The following SHKBP1 variants were observed in gnomAD, a reference collection of about 807,000 sequenced individuals.
SHKBP1 encodes the protein SH3KBP1 binding protein 1.
SHKBP1 carries 71 observed loss-of-function variants against 83.9 expected under a neutral mutation model. The ratio of observed to expected loss-of-function variants is 0.85; its 90% confidence interval spans 0.70 to 1.03. The LOEUF is 1.03. Ranked by LOEUF, SHKBP1 falls within the 50% of genes least tolerant of loss-of-function variation. The pLI is 0.00. For synonymous variants in SHKBP1, 371 were observed against 398.0 expected, an observed-to-expected ratio of 0.93 and a Z score of 0.81; for missense variants, 824 against 982.4, an observed-to-expected ratio of 0.84 and a Z score of 2.16.
At position 40,578,516 on chromosome 19, in the gene SHKBP1, T is replaced by C; in HGVS notation, c.374T>C (p.Leu125Pro). ...GATCGATCTTCTTGTGGAAACGTCC[T>C]CTTCAATGGTTACCTGCCGCCACCA... ...ELDRSSCGNV[L>P]FNGYLPPPVF... Residue 125 changes from leucine to proline, a missense_variant, in exon 6 of 18, where the codon CTC (leucine) becomes CCC (proline). Around this residue, in one of 3 missense-constraint regions of SHKBP1, gnomAD observed 355 missense variants for 386.4 expected, o/e 0.92. Transcript: ENST00000291842. 6.2e-7 allele frequency: 1 copy of C among 1,614,114 alleles called. No individual in the cohort carries two copies. Among genetic ancestry groups the C allele is most frequent in the South Asian group, 1.1e-5 (1 of 91,072 alleles).
intron 4 of SHKBP1, 90 bp downstream of exon 4, chr19:40,577,720 T>C: frequency 1.4e-6 from 2 of 1,444,198 alleles, no homozygotes; most frequent in South Asian, 1.1e-5. Flanking sequence ...GTGAGCTCCA[T>C]TCTATTAGAA....
intron 6 of SHKBP1, among the ~76,000 whole-genome samples, chr19:40,579,696 GA>G (rs1267554827): frequency 1.3e-5 from 2 of 152,084 alleles, no homozygotes; most frequent in African/African-American, 2.4e-5. Context: ...ACTCTGGCTA[GA>G]TGCTATTGCT....
Position 40,578,449 on chromosome 19 carries a change from C to T in SHKBP1, c.320-13C>T. ...TCTCCCTAAGTCCCAGCCTTTAAGT[C>T]CTCCTGTTGCAGTTCGTCGCCTGCA... is the stretch of plus-strand genomic sequence containing the variant. On this transcript the variant is annotated splice_polypyrimidine_tract_variant and intron_variant, in intron 5 of 17. Coordinates refer to ENST00000291842, the MANE Select transcript of SHKBP1 (RefSeq NM_138392.4). 2 of 1,614,028 alleles carry T rather than the reference C, an allele frequency of 1.2e-6. No homozygotes were observed. Among genetic ancestry groups the T allele is most frequent in the Admixed American group, 1.7e-5 (1 of 60,012 alleles).
chr19:40,584,337 G>A (rs1476389055), intron 12 of SHKBP1, among the ~76,000 whole-genome samples: 1 of 152,166 alleles, frequency 6.6e-6, no homozygotes, highest in Non-Finnish European at 1.5e-5. Context: ...ACAGATGCAG[G>A]TTTTACAGCA....
chr19:40,587,899 A>G (rs956153318), intron 13 of SHKBP1, among the ~76,000 whole-genome samples: 1 of 152,176 alleles, frequency 6.6e-6, no homozygotes, highest in Non-Finnish European at 1.5e-5. Context: ...GCAAGACTCT[A>G]TCTCATAAAA....
At chr19:40,577,888 C>G in intron 4 of SHKBP1, 1 of 615,102 alleles carries the variant, frequency 1.6e-6, no homozygotes, top group East Asian at 2.7e-5. Flanking sequence ...AAAAAGCAAA[C>G]AGGCAAAACT....
At position 40,590,305 on chromosome 19, in the gene SHKBP1, G is replaced by C; in HGVS notation, c.1651G>C (p.Glu551Gln). 1 of 1,609,194 alleles carries C rather than the reference G, an allele frequency of 6.2e-7. No homozygotes were observed. Among genetic ancestry groups the C allele is most frequent in the South Asian group, 1.1e-5 (1 of 90,230 alleles). ...GACAGCCTTCACAGTGCTGGAGTGCGAGGGCTCCCGGCGGCTCGGCTCTCG... is the reference window on the plus strand; with the variant it reads ...GACAGCCTTCACAGTGCTGGAGTGCCAGGGCTCCCGGCGGCTCGGCTCTCG... ...PTTAFTVLEC[E>Q]GSRRLGSRPR... Residue 551 changes from glutamate to glutamine, a missense_variant, in exon 16 of 18, where the codon GAG becomes CAG. Around this residue, in one of 3 missense-constraint regions of SHKBP1, gnomAD observed 287 missense variants for 322.9 expected, o/e 0.89. Transcript: ENST00000291842. The surrounding 1 kb of genome is among the most constrained non-coding windows in gnomAD (Gnocchi z 4.6).
rs1396627780 is a variant in SHKBP1, at chr19:40,580,493, TC to T, written c.562+9del. On this transcript the variant is annotated intron_variant, in intron 7 of 17. Coordinates refer to ENST00000291842, the MANE Select transcript of SHKBP1 (RefSeq NM_138392.4). ...CCCCTCCCTCACCCTCAGGTACGTT[TC>T]TATCTCGTGGAAGGTTGGGGCAGCT... The T allele has an allele frequency of 6.2e-7, 1 of 1,613,400 alleles. No homozygotes were observed. Among genetic ancestry groups the T allele is most frequent in the African/African-American group, 1.3e-5 (1 of 74,884 alleles).
chr19:40,579,997 C>T (rs1186351661), intron 6 of SHKBP1, among the ~76,000 whole-genome samples: 2 of 134,414 alleles, frequency 1.5e-5, no homozygotes, highest in Middle Eastern at 4.2e-3. Flanking sequence ...TGTGCCATTG[C>T]ACTCCAGCCT....
chr19:40,588,948 C>T, intron 14 of SHKBP1, 134 bp from the exon 15 acceptor site: 3 of 1,271,616 alleles, frequency 2.4e-6, no homozygotes, highest in Non-Finnish European at 2.2e-6. Flanking sequence ...CCCCAGCCCT[C>T]TCTGGCCCTG....
At chr19:40,578,841 A>G (rs2081244657) in intron 6 of SHKBP1, among the ~76,000 whole-genome samples, 1 of 151,976 alleles carries the variant, frequency 6.6e-6, no homozygotes, top group South Asian at 2.1e-4. Context: ...CTTCGTATGG[A>G]GGGGAGAAAT....
At chr19:40,583,824 G>T in intron 12 of SHKBP1, 107 bp downstream of exon 12, 2 of 811,538 alleles carry the variant, frequency 2.5e-6, no homozygotes, top group Admixed American at 4.3e-5. Flanking sequence ...TTTATCGAGG[G>T]GCGGCAGATT....
Position 40,589,062 on chromosome 19 carries a change from C to G in SHKBP1, c.1493-20C>G. ...GAGGGAATCCCAGCTGGCCCTGACC[C>G]CTGCCCCTGCCTGGCCCAGGCCCCT... On this transcript the variant is annotated intron_variant, in intron 14 of 17. Coordinates refer to ENST00000291842, the MANE Select transcript of SHKBP1 (RefSeq NM_138392.4). 1 of 1,608,686 alleles carries G rather than the reference C, an allele frequency of 6.2e-7. No individual in the cohort carries two copies. Among genetic ancestry groups the G allele is most frequent in the Non-Finnish European group, 8.5e-7 (1 of 1,179,142 alleles).
rs1241732700 is a variant in SHKBP1 at position 40,577,648 on chromosome 19, G to A, written c.260+18G>A. 5.0e-6 allele frequency: 8 copies of A among 1,613,878 alleles called. No homozygotes were observed. In the South Asian group the frequency reaches 7.7e-5, roughly 16 times the overall value. Reference sequence around the variant, plus strand: ...GATCCCAGGTTGGCATGGAAAAAGGGGAGGGAGTCCCTCACTGTCTTCAGT... The same window carrying A: ...GATCCCAGGTTGGCATGGAAAAAGGAGAGGGAGTCCCTCACTGTCTTCAGT... On this transcript the variant is annotated intron_variant, in intron 4 of 17. Transcript: ENST00000291842.
chr19:40,590,403 C>T lies in SHKBP1; in HGVS notation c.1749C>T (p.Asp583=), dbSNP rs779030747. 7 of 1,608,662 alleles carry T rather than the reference C, an allele frequency of 4.4e-6. No homozygotes were observed. The South Asian group carries it at 5.5e-5, about 13-fold the overall frequency. Reference sequence around the variant, plus strand: ...TGTGGGACCTAACCACCGCCATGGACGGCCTCGGCCAGGCCCCTGGTACTC... The same window carrying T: ...TGTGGGACCTAACCACCGCCATGGATGGCCTCGGCCAGGCCCCTGGTACTC... The part of the protein sequence containing the change: ...LAMWDLTTAM[D]GLGQAPAGGL... Residue 583 remains aspartate (D), a synonymous_variant, in exon 16 of 18, where the codon GAC becomes GAT. Transcript: ENST00000291842. The surrounding 1 kb of genome is among the most constrained non-coding windows in gnomAD (Gnocchi z 4.6).
Position 40,583,470 on chromosome 19 carries a change from T to C in SHKBP1, c.1033T>C (p.Ser345Pro), listed in dbSNP as rs1599842509. The change falls in exon 11 of 18, where the codon TCC becomes CCC. Residue 345 changes from serine to proline, a missense_variant. Physicochemically the swap from Ser to Pro is moderately conservative, Grantham distance 74. Coordinates refer to ENST00000291842, the MANE Select transcript of SHKBP1 (RefSeq NM_138392.4). ...SFLLLGCNNGSIYYVDVQKFP... is the reference protein window; with the variant it reads ...SFLLLGCNNGPIYYVDVQKFP... ...CCTCCTCCTGGGCTGCAACAACGGCTCCATTTACTACGTGGGTGAGCAGCA... is the reference window on the plus strand; with the variant it reads ...CCTCCTCCTGGGCTGCAACAACGGCCCCATTTACTACGTGGGTGAGCAGCA... 1 of 1,611,608 alleles carries C rather than the reference T, an allele frequency of 6.2e-7. No homozygotes were observed. The highest frequency in any genetic ancestry group is 8.5e-7 in the Non-Finnish European group (1 of 1,179,000).
At chr19:40,577,162 T>C (rs954990541) in intron 1 of SHKBP1, 69 bp from the exon 2 acceptor site, 34 of 1,582,888 alleles carry the variant, frequency 2.1e-5, no homozygotes, top group Middle Eastern at 4.4e-4. Context: ...CCCTGGATCC[T>C]GCGGGAGGGG....
At position 40,589,992 on chromosome 19, in the gene SHKBP1, T is replaced by C. The variant is rs543693990; in HGVS notation, c.1590-252T>C. Among the ~76,000 whole-genome samples, 10 of 151,954 alleles carry C rather than the reference T, an allele frequency of 6.6e-5. No homozygotes were observed. The East Asian group carries it at 1.9e-3, about 30-fold the overall frequency. On this transcript the variant is annotated intron_variant, in intron 15 of 17. Transcript: ENST00000291842. ...GGCTGATAGGAGGTGGGGGAGCAGC[T>C]GGGACGGGCCTCAGGTCTTCCCTGC... is the stretch of plus-strand genomic sequence containing the variant.
In SHKBP1 at chr19:40,586,823, C is replaced by T. The variant is rs760208610; in HGVS notation, c.1215C>T (p.Gly405=). Residue 405 remains glycine, a synonymous_variant, in exon 13 of 18, where the codon GGC becomes GGT. Coordinates refer to ENST00000291842, the MANE Select transcript of SHKBP1 (RefSeq NM_138392.4). The part of the protein sequence containing the change: ...IEIAYGTSSG[G]VRVIVQHPET... ...TCGCCTATGGCACCAGCTCAGGGGGCGTGCGGGTCATCGTGCAGCACCCGG... is the reference window on the plus strand; with the variant it reads ...TCGCCTATGGCACCAGCTCAGGGGGTGTGCGGGTCATCGTGCAGCACCCGG... The T allele has an allele frequency of 1.7e-5, 28 of 1,610,754 alleles. 1 individual carries two copies. The South Asian group carries it at 2.4e-4, about 14-fold the overall frequency.
Sources: allele counts gnomAD v4.1 joint callset (sites outside exome capture counted in the v4.1 genomes callset), GRCh38; gene constraint gnomAD v4.1.1; regional missense constraint gnomAD v4.1.1; non-coding constraint Gnocchi (gnomAD v3.1); transcripts MANE v1.5; gene names NCBI Gene and HGNC (gene_info 2026-07-23, HGNC 2026-07-21).